Variants in MYO1E observed in about 807,000 individuals in gnomAD.
MYO1E encodes the protein myosin IE, also known as unconventional myosin-Ie.
Under a neutral mutation model 151.1 loss-of-function variants are expected in MYO1E, and 68 were observed. The observed-to-expected ratio is 0.45, with a 90% CI of 0.37 to 0.55. The LOEUF is 0.55. Ranked by LOEUF, MYO1E falls within the 20% of genes least tolerant of loss-of-function variation. The pLI is 0.00. For missense variants in MYO1E, 1,363 were observed against 1,389.3 expected (o/e 0.98, Z 0.30); for synonymous variants, 601 against 501.7 (o/e 1.20, Z -2.64).
chr15:59,242,233 T>C (rs550273869), intron 4 of MYO1E, among the ~76,000 whole-genome samples: 1 of 152,368 alleles, frequency 6.6e-6, no homozygotes, highest in African/African-American at 2.4e-5. Flanking sequence ...GGTCTCTGAA[T>C]ACTATTCTTC....
intron 2 of MYO1E, among the ~76,000 whole-genome samples, chr15:59,262,728 A>C (rs775279571): frequency 1.4e-4 from 21 of 152,190 alleles, no homozygotes; most frequent in Non-Finnish European, 2.6e-4. Flanking sequence ...GGTTTAGGGA[A>C]AGAAGGTATT....
intron 23 of MYO1E, among the ~76,000 whole-genome samples, chr15:59,162,415 G>C (rs769063838): frequency 6.6e-6 from 1 of 152,006 alleles, no homozygotes; most frequent in Non-Finnish European, 1.5e-5. Context: ...ACGCCGAGGC[G>C]GGTGGATCAC....
intron 1 of MYO1E, among the ~76,000 whole-genome samples, chr15:59,304,872 G>A (rs1286166376): frequency 6.6e-6 from 1 of 152,180 alleles, no homozygotes; most frequent in African/African-American, 2.4e-5. Flanking sequence ...TCAAAATTAT[G>A]GGTCCTACAG....
chr15:59,217,802 A>C, intron 10 of MYO1E, 89 bp downstream of exon 10: 1 of 1,437,830 alleles, frequency 7.0e-7, no homozygotes, highest in South Asian at 1.2e-5. Context: ...TACTGGGATT[A>C]CAGGTGTGAG....
chr15:59,233,896 A>AT lies in MYO1E; in HGVS notation c.421-2106_421-2105insA, dbSNP rs2080044415. ...TATTTCAAAGACTTAGTACCAAAAA[A>AT]AAAAAATCTCATTAATTTTGTTATA... On this transcript the variant is annotated intron_variant, in intron 5 of 27. Coordinates refer to ENST00000288235, the MANE Select transcript of MYO1E (RefSeq NM_004998.4). Among the ~76,000 whole-genome samples the AT allele has an allele frequency of 2.0e-5, 3 of 151,402 alleles. No homozygotes were observed. The South Asian group carries it at 6.2e-4, about 32-fold the overall frequency.
At chr15:59,281,531 C>T (rs538853750) in intron 1 of MYO1E, among the ~76,000 whole-genome samples, 2 of 152,242 alleles carry the variant, frequency 1.3e-5, no homozygotes, top group Admixed American at 6.5e-5. Flanking sequence ...CCGCCTCGGC[C>T]TCCGAGAGGG....
At chr15:59,318,941 T>C (rs1446911859) in intron 1 of MYO1E, among the ~76,000 whole-genome samples, 1 of 151,980 alleles carries the variant, frequency 6.6e-6, no homozygotes, top group Non-Finnish European at 1.5e-5. Flanking sequence ...GACATGACAG[T>C]GGGTTAAGAA....
intron 22 of MYO1E, 103 bp downstream of exon 22, chr15:59,171,794 A>C: frequency 2.1e-6 from 3 of 1,439,136 alleles, no homozygotes; most frequent in Non-Finnish European, 1.9e-6. Flanking sequence ...TGATTTTGAC[A>C]GCTGGGAAGC....
chr15:59,251,725 TTGG>T (rs2080166085), intron 4 of MYO1E, among the ~76,000 whole-genome samples: 1 of 152,262 alleles, frequency 6.6e-6, no homozygotes, highest in Non-Finnish European at 1.5e-5. Context: ...CAGTACTGAC[TTGG>T]GAACCATGTA....
intron 1 of MYO1E, among the ~76,000 whole-genome samples, chr15:59,333,809 A>G (rs2080712319): frequency 6.6e-6 from 1 of 152,150 alleles, no homozygotes; most frequent in Non-Finnish European, 1.5e-5. Context: ...ATATTTTTTG[A>G]GCTTCCACTA....
rs556807730 is a variant in MYO1E, at chr15:59,292,974, A to C, written c.4-20525T>G. Among the ~76,000 whole-genome samples, 368 of 152,316 alleles carry C rather than the reference A, an allele frequency of 2.4e-3. 2 individuals carry two copies. Among genetic ancestry groups the C allele is most frequent in the African/African-American group, 8.3e-3 (346 of 41,574 alleles). On this transcript the variant is annotated intron_variant, in intron 1 of 27. Coordinates refer to ENST00000288235, the MANE Select transcript of MYO1E (RefSeq NM_004998.4). ...AGACAAAGGGGAGGCCTCGGCTCAT[A>C]AACTGTTTAAGCTGTCCTGTGTGCT...
intron 13 of MYO1E, 34 bp downstream of exon 13, chr15:59,210,480 G>T: frequency 7.4e-7 from 1 of 1,356,836 alleles, no homozygotes; most frequent in Non-Finnish European, 1.1e-6. Flanking sequence ...GTAAACCTGT[G>T]AGCAGTGAAA....
intron 14 of MYO1E, chr15:59,207,769 A>G (rs774435907): frequency 1.9e-6 from 3 of 1,614,158 alleles, no homozygotes; most frequent in Non-Finnish European, 1.7e-6. Context: ...TGAGCAATGG[A>G]AAAATGTCCA....
chr15:59,247,323 G>A (rs1565017), intron 4 of MYO1E, among the ~76,000 whole-genome samples: 69,917 of 152,106 alleles, frequency 0.46, 19,477 homozygotes, highest in Non-Finnish European at 0.64. Flanking sequence ...GTATATGGTA[G>A]CTATTACATC....
chr15:59,224,613 C>A (rs2079977271), intron 8 of MYO1E, 76 bp downstream of exon 8: 40 of 1,584,048 alleles, frequency 2.5e-5, no homozygotes, highest in Non-Finnish European at 3.5e-5. Context: ...GCTTTATTAA[C>A]CTTCACTGCC....
intron 26 of MYO1E, among the ~76,000 whole-genome samples, chr15:59,142,107 A>C (rs1014077215): frequency 2.8e-5 from 4 of 142,622 alleles, no homozygotes; most frequent in South Asian, 2.2e-4. Flanking sequence ...ACTCCATCCC[A>C]AAAAAAAAAA....
chr15:59,285,088 G>T (rs868425450), intron 1 of MYO1E, among the ~76,000 whole-genome samples: 2 of 152,048 alleles, frequency 1.3e-5, no homozygotes, highest in Non-Finnish European at 2.9e-5. Context: ...TTAGACATTC[G>T]GTAATACGAT....
chr15:59,224,178 G>A (rs1279717132), intron 8 of MYO1E, among the ~76,000 whole-genome samples: 1 of 152,222 alleles, frequency 6.6e-6, no homozygotes, highest in Non-Finnish European at 1.5e-5. Context: ...TAGTTTCACA[G>A]CTTGGACCAT....
chr15:59,332,879 T>A (rs1209823647), intron 1 of MYO1E, among the ~76,000 whole-genome samples: 1 of 152,150 alleles, frequency 6.6e-6, no homozygotes, highest in African/African-American at 2.4e-5. Flanking sequence ...TTCTATTGGA[T>A]GCAGCCAATT....
Sources: allele counts gnomAD v4.1 joint callset (sites outside exome capture counted in the v4.1 genomes callset), GRCh38; gene constraint gnomAD v4.1.1; transcripts MANE v1.5; gene names NCBI Gene and HGNC (gene_info 2026-07-23, HGNC 2026-07-21).